Variants in ITPRIPL2 observed in about 807,000 individuals in gnomAD.
The protein encoded by ITPRIPL2 is ITPRIP like 2.
In ITPRIPL2, 29 loss-of-function variants were observed where a neutral mutation model predicts 31.7. That is an observed-to-expected ratio of 0.91 (90% CI 0.68 to 1.25). The LOEUF (loss-of-function observed/expected upper bound fraction) is 1.25, where lower values mean the gene tolerates loss of function less well. ITPRIPL2 is among the 50% of genes most tolerant of loss of function. The probability of loss-of-function intolerance (pLI) is 0.00; values close to 1 mark genes in which losing one functional copy is unlikely to be tolerated. For missense variants in ITPRIPL2, 696 were observed against 739.1 expected (o/e 0.94, Z 0.68); for synonymous variants, 344 against 343.4 (o/e 1.00, Z -0.02).
At position 19,117,945 on chromosome 16, in the gene ITPRIPL2, C is replaced by T. The variant is rs1293823574; in HGVS notation, c.*1876C>T. 1.2e-5 allele frequency: 2 copies of T among 167,074 alleles called. No individual in the cohort carries two copies. The highest frequency in any genetic ancestry group is 3.9e-4 in the East Asian group (2 of 5,174). The allele number at this position is 167,074 out of a possible 1,614,324, so 10.3% of individuals were successfully genotyped here. ...CTAGCTTTTGAGGTCAATGTTGGGT[C>T]ATAAGGTACTGCATTGTGCAAAGAA... On this transcript the variant is annotated 3_prime_UTR_variant, in exon 1 of 1. Transcript: ENST00000381440.
chr16:19,114,679 G>T lies in ITPRIPL2; in HGVS notation c.218G>T (p.Arg73Leu), dbSNP rs1485020130. Residue 73 changes from arginine (R) to leucine (L), a missense_variant, in exon 1 of 1, where the codon CGC becomes CTC. Physicochemically the swap from Arg to Leu is moderately radical, Grantham distance 102 (BLOSUM62 -2). Coordinates refer to ENST00000381440, the MANE Select transcript of ITPRIPL2 (RefSeq NM_001034841.4). ...CGCTGTCGCCACGCTGTCCGGCAGC[G>T]CTTCCTGCCCGGGTCTCCCCGTCTG... is the stretch of plus-strand genomic sequence containing the variant. ...LLRCRHAVRQ[R>L]FLPGSPRLEG... The T allele has an allele frequency of 2.5e-6, 4 of 1,611,788 alleles. No homozygotes were observed. Among genetic ancestry groups the T allele is most frequent in the East Asian group, 2.2e-5 (1 of 44,826 alleles).
chr16:19,114,449 C>G lies in ITPRIPL2; in HGVS notation c.-13C>G. 7.2e-7 allele frequency: 1 copy of G among 1,392,110 alleles called. No individual in the cohort carries two copies. The highest frequency in any genetic ancestry group is 9.3e-7 in the Non-Finnish European group (1 of 1,074,450). 86.2% of individuals were successfully genotyped at this position (1,392,110 alleles called of 1,614,324 possible). The stretch of plus-strand genomic sequence containing the variant: ...CCTGGGCTGCTCGGCCACCGCCGCC[C>G]CGGGCGCCCGGCATGTCGGTGCACT... On this transcript the variant is annotated 5_prime_UTR_variant, in exon 1 of 1. Coordinates refer to ENST00000381440, the MANE Select transcript of ITPRIPL2 (RefSeq NM_001034841.4).
chr16:19,114,799 C>T lies in ITPRIPL2; in HGVS notation c.338C>T (p.Pro113Leu), dbSNP rs867705443. The T allele has an allele frequency of 1.2e-5, 20 of 1,610,606 alleles. 1 individual carries two copies. In the Middle Eastern group the frequency reaches 2.1e-3, roughly 173 times the overall value. ...SYYEHEVRLS[P>L]HVLGHSKAHV... ...TACGAGCATGAGGTGCGCCTGTCTC[C>T]GCACGTGTTGGGCCACAGCAAGGCG... is the stretch of plus-strand genomic sequence containing the variant. The change falls in exon 1 of 1, where the codon CCG becomes CTG. Residue 113 changes from proline (P) to leucine (L), a missense_variant. Coordinates refer to ENST00000381440, the MANE Select transcript of ITPRIPL2 (RefSeq NM_001034841.4).
rs781270272 is a variant in ITPRIPL2 at position 19,114,554 on chromosome 16, G to A, written c.93G>A (p.Arg31=). ...TGGTGTGCCTCTACCATGTCCTGCG[G>A]GGAAGCGGGGGCGCCCGGGCCGAGC... is the stretch of plus-strand genomic sequence containing the variant. ...TALVCLYHVL[R]GSGGARAEPA... The change falls in exon 1 of 1, where the codon CGG becomes CGA. Residue 31 remains arginine (R), a synonymous_variant. Coordinates refer to ENST00000381440, the MANE Select transcript of ITPRIPL2 (RefSeq NM_001034841.4). The A allele has an allele frequency of 2.8e-5, 43 of 1,536,304 alleles. No individual in the cohort carries two copies. Among genetic ancestry groups the A allele is most frequent in the Non-Finnish European group, 3.8e-5 (43 of 1,145,590 alleles).
Position 19,119,377 on chromosome 16 carries a change from AAC to A in ITPRIPL2, c.*3310_*3311del. ...GGTCGCAAACTCAGCAGCCTGTAGAAACAGGGGTGGGAGGTGGGGGGGAAGCT... is the reference window on the plus strand; with the variant it reads ...GGTCGCAAACTCAGCAGCCTGTAGAAAGGGGTGGGAGGTGGGGGGGAAGCT... On this transcript the variant is annotated 3_prime_UTR_variant, in exon 1 of 1. Transcript: ENST00000381440. The A allele has an allele frequency of 3.9e-6, 1 of 255,804 alleles. No homozygotes were observed. The highest frequency in any genetic ancestry group is 7.9e-6 in the Non-Finnish European group (1 of 127,106). The allele number at this position is 255,804 out of a possible 1,614,324, so 15.8% of individuals were successfully genotyped here. A position where few individuals can be genotyped will look rare whatever the true frequency, so the allele number is the denominator to read the frequency against.
Position 19,120,617 on chromosome 16 carries a change from ATATATATATTTTT to A in ITPRIPL2, c.*4550_*4562del, listed in dbSNP as rs1484052305. 2.9e-4 allele frequency: 33 copies of A among 115,214 alleles called. No individual in the cohort carries two copies. Among genetic ancestry groups the A allele is most frequent in the African/African-American group, 1.3e-3 (33 of 24,506 alleles). 7.1% of individuals were successfully genotyped at this position (115,214 alleles called of 1,614,324 possible). A position where few individuals can be genotyped will look rare whatever the true frequency, so the allele number is the denominator to read the frequency against. On this transcript the variant is annotated 3_prime_UTR_variant, in exon 1 of 1. Coordinates refer to ENST00000381440, the MANE Select transcript of ITPRIPL2 (RefSeq NM_001034841.4). ...ACGCCTGGCTAATATATATATATAT[ATATATATATTTTT>A]TTTTTTTTTTTTTAGTAGAGATGGG...
rs1963408775 is a variant in ITPRIPL2 at position 19,114,664 on chromosome 16, A to G, written c.203A>G (p.His68Arg). The change falls in exon 1 of 1, where the codon CAC (histidine) becomes CGC (arginine). Residue 68 changes from histidine (H) to arginine (R), a missense_variant. Coordinates refer to ENST00000381440, the MANE Select transcript of ITPRIPL2 (RefSeq NM_001034841.4). ...AGCTATGTCCTCCTGCGCTGTCGCCACGCTGTCCGGCAGCGCTTCCTGCCC... is the reference window on the plus strand; with the variant it reads ...AGCTATGTCCTCCTGCGCTGTCGCCGCGCTGTCCGGCAGCGCTTCCTGCCC... ...LLSYVLLRCR[H>R]AVRQRFLPGS... 2.5e-6 allele frequency: 4 copies of G among 1,610,116 alleles called. No homozygotes were observed. In the African/African-American group the frequency reaches 5.3e-5, roughly 22 times the overall value.
In ITPRIPL2 at chr16:19,115,500, TG is replaced by T; in HGVS notation, c.1043del (p.Gly348ValfsTer2). On this transcript the variant is annotated frameshift_variant, in exon 1 of 1. Transcript: ENST00000381440. LOFTEE classifies it high-confidence loss of function. ...LPEGLRAEAL[W>X]GVNTARQEQK... Reference sequence around the variant, plus strand: ...TGAGGGCCTGCGTGCGGAGGCACTGTGGGGTGTGAACACAGCACGCCAGGAG... The same window carrying T: ...TGAGGGCCTGCGTGCGGAGGCACTGTGGGTGTGAACACAGCACGCCAGGAG... 6.2e-7 allele frequency: 1 copy of T among 1,606,000 alleles called. No homozygotes were observed.
Position 19,118,725 on chromosome 16 carries a change from T to C in ITPRIPL2, c.*2656T>C, listed in dbSNP as rs1963476252. The C allele has an allele frequency of 2.7e-6, 1 of 366,894 alleles. No individual in the cohort carries two copies. The highest frequency in any genetic ancestry group is 5.0e-6 in the Non-Finnish European group (1 of 198,238). 22.7% of individuals were successfully genotyped at this position (366,894 alleles called of 1,614,324 possible). ...TTACTGTTTTATTTAAATGCCATGCTGAGCAATTGTTCTCTGTACATGGTA... is the reference window on the plus strand; with the variant it reads ...TTACTGTTTTATTTAAATGCCATGCCGAGCAATTGTTCTCTGTACATGGTA... On this transcript the variant is annotated 3_prime_UTR_variant, in exon 1 of 1. Coordinates refer to ENST00000381440, the MANE Select transcript of ITPRIPL2 (RefSeq NM_001034841.4).
At position 19,114,208 on chromosome 16, in the gene ITPRIPL2, TCAGCGCGCAGCCGGGG is replaced by T; in HGVS notation, c.-250_-235del. 3 of 325,452 alleles carry T rather than the reference TCAGCGCGCAGCCGGGG, an allele frequency of 9.2e-6. No homozygotes were observed. The highest frequency in any genetic ancestry group is 4.8e-5 in the East Asian group (1 of 20,798). The allele number at this position is 325,452 out of a possible 1,614,324, so 20.2% of individuals were successfully genotyped here. On this transcript the variant is annotated 5_prime_UTR_variant, in exon 1 of 1. Transcript: ENST00000381440. ...GGCGGGGAGGGCCGCTGGGCCGGAC[TCAGCGCGCAGCCGGGG>T]CAGGGCGCGGCCCGGGGCCCGAGAG...
rs1470070181 is a variant in ITPRIPL2, at chr16:19,117,631, C to T, written c.*1562C>T. 1 of 167,010 alleles carries T rather than the reference C, an allele frequency of 6.0e-6. No homozygotes were observed. Among genetic ancestry groups the T allele is most frequent in the African/African-American group, 2.4e-5 (1 of 41,406 alleles). 10.3% of individuals were successfully genotyped at this position (167,010 alleles called of 1,614,324 possible). A position where few individuals can be genotyped will look rare whatever the true frequency, so the allele number is the denominator to read the frequency against. The stretch of plus-strand genomic sequence containing the variant: ...TTTGTTTTCTAAATAAAAACATGTA[C>T]TTCCTCAGACTCTTAAAGCTAAAAT... On this transcript the variant is annotated 3_prime_UTR_variant, in exon 1 of 1. Coordinates refer to ENST00000381440, the MANE Select transcript of ITPRIPL2 (RefSeq NM_001034841.4).
Position 19,120,236 on chromosome 16 carries a change from T to G in ITPRIPL2, c.*4167T>G, listed in dbSNP as rs1314536520. On this transcript the variant is annotated 3_prime_UTR_variant, in exon 1 of 1. Transcript: ENST00000381440. ...AGCTGGGACCACAGGTATGTGCCAC[T>G]ACACCCAGCGAATTTTTAAATTATT... The G allele has an allele frequency of 6.3e-6, 1 of 157,552 alleles. No homozygotes were observed. The highest frequency in any genetic ancestry group is 1.9e-4 in the East Asian group (1 of 5,136). 9.8% of individuals were successfully genotyped at this position (157,552 alleles called of 1,614,324 possible).
chr16:19,118,102 A>G lies in ITPRIPL2; in HGVS notation c.*2033A>G, dbSNP rs114119645. ...ATATTTTATATATATATATATTTCC[A>G]TACTCAACCACAACTTCCTCTGTAC... On this transcript the variant is annotated 3_prime_UTR_variant, in exon 1 of 1. Coordinates refer to ENST00000381440, the MANE Select transcript of ITPRIPL2 (RefSeq NM_001034841.4). 5,317 of 166,040 alleles carry G rather than the reference A, an allele frequency of 0.032. 235 individuals carry two copies. Among genetic ancestry groups the G allele is most frequent in the African/African-American group, 0.097 (3,983 of 41,246 alleles). The allele number at this position is 166,040 out of a possible 1,614,324, so 10.3% of individuals were successfully genotyped here.
Position 19,114,418 on chromosome 16 carries a change from TTGCCCCCTGGGC to T in ITPRIPL2, c.-40_-29del, listed in dbSNP as rs1158286659. 1 of 1,303,190 alleles carries T rather than the reference TTGCCCCCTGGGC, an allele frequency of 7.7e-7. No individual in the cohort carries two copies. The highest frequency in any genetic ancestry group is 9.7e-7 in the Non-Finnish European group (1 of 1,025,790). 80.7% of individuals were successfully genotyped at this position (1,303,190 alleles called of 1,614,324 possible). On this transcript the variant is annotated 5_prime_UTR_variant, in exon 1 of 1. Coordinates refer to ENST00000381440, the MANE Select transcript of ITPRIPL2 (RefSeq NM_001034841.4). ...GCTGGGCTTGGGTCGCCGCCGGGGC[TTGCCCCCTGGGC>T]TGCTCGGCCACCGCCGCCCCGGGCG...
At position 19,114,835 on chromosome 16, in the gene ITPRIPL2, G is replaced by A. The variant is rs1176161099; in HGVS notation, c.374G>A (p.Arg125Gln). 6.2e-7 allele frequency: 1 copy of A among 1,605,138 alleles called. No individual in the cohort carries two copies. The highest frequency in any genetic ancestry group is 1.1e-5 in the South Asian group (1 of 90,336). The change falls in exon 1 of 1, where the codon CGG becomes CAG. Residue 125 changes from arginine (R) to glutamine (Q), a missense_variant. By Grantham distance (43) the Arg-to-Gln change is conservative. Coordinates refer to ENST00000381440, the MANE Select transcript of ITPRIPL2 (RefSeq NM_001034841.4). ...VLGHSKAHVS[R>Q]IVGELVRAGR... ...GGCCACAGCAAGGCGCACGTGAGCC[G>A]GATCGTGGGCGAGCTGGTGCGGGCT...
Position 19,114,037 on chromosome 16 carries a change from T to G in ITPRIPL2, c.-425T>G, listed in dbSNP as rs1297888403. ...CCCCGCTAGCTGGCGCGGCCTCGCC[T>G]CCCCCTCGGAAGAGGAAACTCCCGG... On this transcript the variant is annotated 5_prime_UTR_variant, in exon 1 of 1. Coordinates refer to ENST00000381440, the MANE Select transcript of ITPRIPL2 (RefSeq NM_001034841.4). 1 of 395,572 alleles carries G rather than the reference T, an allele frequency of 2.5e-6. No homozygotes were observed. The highest frequency in any genetic ancestry group is 3.6e-5 in the East Asian group (1 of 27,904). The allele number at this position is 395,572 out of a possible 1,614,324, so 24.5% of individuals were successfully genotyped here. A position where few individuals can be genotyped will look rare whatever the true frequency, so the allele number is the denominator to read the frequency against.
Position 19,114,985 on chromosome 16 carries a change from A to G in ITPRIPL2, c.524A>G (p.Asp175Gly). 6.2e-7 allele frequency: 1 copy of G among 1,600,966 alleles called. No homozygotes were observed. Among genetic ancestry groups the G allele is most frequent in the Non-Finnish European group, 8.5e-7 (1 of 1,179,590 alleles). Residue 175 changes from aspartate (D) to glycine (G), a missense_variant, in exon 1 of 1, where the codon GAC (aspartate) becomes GGC (glycine). Asp to Gly is a moderately conservative substitution (Grantham distance 94, BLOSUM62 -1). Coordinates refer to ENST00000381440, the MANE Select transcript of ITPRIPL2 (RefSeq NM_001034841.4). ...QHKIRRPDSF[D>G]VLVPLRLPPL... ...AAAATCCGCCGGCCCGACAGCTTCGACGTGCTGGTGCCACTGCGCCTCCCG... is the reference window on the plus strand; with the variant it reads ...AAAATCCGCCGGCCCGACAGCTTCGGCGTGCTGGTGCCACTGCGCCTCCCG...
Position 19,115,379 on chromosome 16 carries a change from T to C in ITPRIPL2, c.918T>C (p.Ala306=), listed in dbSNP as rs1437720079. 1 of 1,613,202 alleles carries C rather than the reference T, an allele frequency of 6.2e-7. No homozygotes were observed. Among genetic ancestry groups the C allele is most frequent in the South Asian group, 1.1e-5 (1 of 91,090 alleles). ...ACGGCTGCTGCCGCCTTTCTATGGC[T>C]GTGCGTCTCATCCCCGCTGTCCATC... ...TDYGCCRLSM[A]VRLIPAVHLG... Residue 306 remains alanine (A), a synonymous_variant, in exon 1 of 1, where the codon GCT becomes GCC. Transcript: ENST00000381440.
chr16:19,114,747 G>T lies in ITPRIPL2; in HGVS notation c.286G>T (p.Gly96Cys). The T allele has an allele frequency of 1.9e-6, 3 of 1,612,744 alleles. No homozygotes were observed. The highest frequency in any genetic ancestry group is 2.5e-6 in the Non-Finnish European group (3 of 1,179,894). Residue 96 changes from glycine to cysteine, a missense_variant, in exon 1 of 1, where the codon GGC (glycine) becomes TGC (cysteine). Gly to Cys is a radical substitution (Grantham distance 159). Coordinates refer to ENST00000381440, the MANE Select transcript of ITPRIPL2 (RefSeq NM_001034841.4). ...AFSSRHFREP[G>C]LSILLESYYE... The stretch of plus-strand genomic sequence containing the variant: ...CTCCTCGAGACACTTCCGAGAGCCG[G>T]GCCTCAGCATCCTGCTGGAGAGTTA...
Sources: gnomAD v4.1 joint callset for allele counts on GRCh38, gnomAD v4.1.1 for gene constraint, MANE v1.5 for transcripts, NCBI Gene and HGNC (gene_info 2026-07-23, HGNC 2026-07-21) for gene names.